Variants in SH3GL2 observed in about 807,000 individuals in gnomAD.
SH3GL2 encodes the protein endophilin-A1.
SH3GL2 carries 24 observed loss-of-function variants against 46.0 expected under a neutral mutation model. The observed-to-expected ratio is 0.52, with a 90% CI of 0.38 to 0.73. The LOEUF is 0.73. Ranked by LOEUF, SH3GL2 falls within the 30% of genes least tolerant of loss-of-function variation. The pLI, the probability that SH3GL2 is intolerant of heterozygous loss-of-function variation, is 0.00. For missense variants in SH3GL2, 413 were observed against 424.2 expected, an observed-to-expected ratio of 0.97 and a Z score of 0.23; for synonymous variants, 196 against 147.1, an observed-to-expected ratio of 1.33 and a Z score of -2.40.
At chr9:17,681,931 CAT>C (rs1820779617) in intron 1 of SH3GL2, among the ~76,000 whole-genome samples, 1 of 151,908 alleles carries the variant, frequency 6.6e-6, no homozygotes, top group South Asian at 2.1e-4. Context: ...GGCCAACAAA[CAT>C]ATGAAAAAAA....
chr9:17,664,144 C>T (rs961008382), intron 1 of SH3GL2, among the ~76,000 whole-genome samples: 1 of 152,184 alleles, frequency 6.6e-6, no homozygotes, highest in African/African-American at 2.4e-5. Flanking sequence ...AAGTTGCTAG[C>T]TGCTAAAGAA....
chr9:17,625,398 T>TA (rs1193000803), intron 1 of SH3GL2, among the ~76,000 whole-genome samples: 3 of 152,226 alleles, frequency 2.0e-5, no homozygotes, highest in Non-Finnish European at 4.4e-5. Flanking sequence ...TCCACCTCCT[T>TA]TCATTGCCTC....
chr9:17,721,217 T>C (rs768041062), intron 1 of SH3GL2, among the ~76,000 whole-genome samples: 4 of 152,036 alleles, frequency 2.6e-5, no homozygotes, highest in Non-Finnish European at 5.9e-5. Context: ...ATTGAGAAAA[T>C]TAACATCGAA....
intron 3 of SH3GL2, among the ~76,000 whole-genome samples, chr9:17,777,795 C>A (rs775662481): frequency 6.6e-6 from 1 of 152,028 alleles, no homozygotes; most frequent in East Asian, 1.9e-4. Flanking sequence ...CCTAAAAGCA[C>A]TATCTCAAAA....
intron 2 of SH3GL2, among the ~76,000 whole-genome samples, chr9:17,751,013 C>G (rs934818632): frequency 1.3e-5 from 2 of 152,192 alleles, no homozygotes; most frequent in African/African-American, 4.8e-5. Flanking sequence ...CTGAACATGT[C>G]TCTTGTCCCT....
chr9:17,758,561 CAAAAAAAAAAAAAAAAAAAAA>C lies in SH3GL2; in HGVS notation c.115-2862_115-2842del, dbSNP rs57019804. Reference sequence around the variant, plus strand: ...TGGGGGAGAGAGTAAGACCCTGTCTCAAAAAAAAAAAAAAAAAAAAAAAAAAAAAAAAAATTGCAGTCAGTA... The same window carrying C: ...TGGGGGAGAGAGTAAGACCCTGTCTCAAAAAAAAAAAAATTGCAGTCAGTA... On this transcript the variant is annotated intron_variant, in intron 2 of 8. Coordinates refer to ENST00000380607, the MANE Select transcript of SH3GL2 (RefSeq NM_003026.5). Among the ~76,000 whole-genome samples, 7 of 29,222 alleles carry C rather than the reference CAAAAAAAAAAAAAAAAAAAAA, an allele frequency of 2.4e-4. 1 individual carries two copies. In the Admixed American group the frequency reaches 5.0e-3, roughly 21 times the overall value. The allele number at this position is 29,222 out of a possible 152,430, so 19.2% of individuals were successfully genotyped here. A position where few individuals can be genotyped will look rare whatever the true frequency, so the allele number is the denominator to read the frequency against.
At chr9:17,626,716 A>G (rs1819289224) in intron 1 of SH3GL2, among the ~76,000 whole-genome samples, 2 of 152,188 alleles carry the variant, frequency 1.3e-5, no homozygotes, top group East Asian at 3.9e-4. Flanking sequence ...AATGGCTCCC[A>G]TAGCTTTCTG....
intron 1 of SH3GL2, among the ~76,000 whole-genome samples, chr9:17,580,411 G>C (rs1818255980): frequency 6.6e-6 from 1 of 152,160 alleles, no homozygotes; most frequent in Admixed American, 6.5e-5. Context: ...GTGTTTTACA[G>C]AACCTTGGTT....
intron 1 of SH3GL2, among the ~76,000 whole-genome samples, chr9:17,708,338 T>C (rs986216868): frequency 6.6e-6 from 1 of 152,038 alleles, no homozygotes; most frequent in African/African-American, 2.4e-5. Context: ...ATTATCACGC[T>C]TTATATATTT....
chr9:17,585,877 G>T (rs1818367433), intron 1 of SH3GL2, among the ~76,000 whole-genome samples: 1 of 152,178 alleles, frequency 6.6e-6, no homozygotes, highest in Non-Finnish European at 1.5e-5. Context: ...GAGACAACAT[G>T]TGAAGTTTTG....
At chr9:17,688,631 C>T (rs908284883) in intron 1 of SH3GL2, among the ~76,000 whole-genome samples, 4 of 151,624 alleles carry the variant, frequency 2.6e-5, no homozygotes, top group East Asian at 1.9e-4. Context: ...TTTTGTAGTG[C>T]GAGAGAGGAA....
chr9:17,654,888 T>C (rs763372657), intron 1 of SH3GL2, among the ~76,000 whole-genome samples: 7 of 152,172 alleles, frequency 4.6e-5, no homozygotes, highest in African/African-American at 1.2e-4. Flanking sequence ...ATTTTCCATC[T>C]AAATTGTTGC....
chr9:17,729,761 A>G (rs1822121207), intron 1 of SH3GL2, among the ~76,000 whole-genome samples: 1 of 152,292 alleles, frequency 6.6e-6, no homozygotes, highest in Middle Eastern at 3.4e-3. Context: ...GTCAAAGATC[A>G]GATAGTTGTA....
At chr9:17,677,137 A>G (rs1001026709) in intron 1 of SH3GL2, among the ~76,000 whole-genome samples, 1 of 152,026 alleles carries the variant, frequency 6.6e-6, no homozygotes, top group African/African-American at 2.4e-5. Context: ...ACCCACGTTC[A>G]TATTCTGACT....
intron 1 of SH3GL2, among the ~76,000 whole-genome samples, chr9:17,601,941 T>C (rs1272397810): frequency 6.6e-6 from 1 of 152,118 alleles, no homozygotes; most frequent in African/African-American, 2.4e-5. Flanking sequence ...GAGTCATGGA[T>C]TGTACTTTGG....
intron 1 of SH3GL2, among the ~76,000 whole-genome samples, chr9:17,609,004 C>T (rs1818811050): frequency 6.6e-6 from 1 of 152,190 alleles, no homozygotes; most frequent in Non-Finnish European, 1.5e-5. Flanking sequence ...TTTCACTGAT[C>T]CCAGCATCTG....
intron 1 of SH3GL2, among the ~76,000 whole-genome samples, chr9:17,700,914 C>T (rs1428141246): frequency 6.6e-6 from 1 of 152,138 alleles, no homozygotes; most frequent in African/African-American, 2.4e-5. Flanking sequence ...ATCAGAGTAG[C>T]AGAAGAACTC....
chr9:17,679,103 T>G (rs1820693903), intron 1 of SH3GL2, among the ~76,000 whole-genome samples: 1 of 152,170 alleles, frequency 6.6e-6, no homozygotes, highest in African/African-American at 2.4e-5. Context: ...TAGGATTGAC[T>G]TGGCAATGCG....
intron 2 of SH3GL2, among the ~76,000 whole-genome samples, chr9:17,754,843 G>A (rs1031493614): frequency 1.3e-5 from 2 of 152,140 alleles, no homozygotes; most frequent in African/African-American, 2.4e-5. Context: ...TTTGTATCCT[G>A]AGACTTTGCT....
Sources: gnomAD v4.1 joint callset for allele counts (sites outside exome capture counted in the v4.1 genomes callset) on GRCh38, gnomAD v4.1.1 for gene constraint, MANE v1.5 for transcripts, NCBI Gene and HGNC (gene_info 2026-07-23, HGNC 2026-07-21) for gene names.